The following ASAP1 variants were observed in gnomAD, a reference collection of about 807,000 sequenced individuals.
ASAP1 encodes the protein arf-GAP with SH3 domain, ANK repeat and PH domain-containing protein 1.
Under a neutral mutation model 145.2 loss-of-function variants are expected in ASAP1, and 43 were observed. The ratio of observed to expected loss-of-function variants is 0.30; its 90% CI spans 0.23 to 0.38. The LOEUF is 0.38. Ranked by LOEUF, ASAP1 falls within the 10% of genes least tolerant of loss-of-function variation. The probability of loss-of-function intolerance (pLI) is 1.00; values close to 1 mark genes in which losing one functional copy is unlikely to be tolerated. For missense variants in ASAP1, 1,018 were observed against 1,355.3 expected (o/e 0.75, Z 3.91); for synonymous variants, 546 against 515.5 (o/e 1.06, Z -0.80).
At chr8:130,208,293 T>C (rs1221690963) in intron 5 of ASAP1, among the ~76,000 whole-genome samples, 1 of 152,184 alleles carries the variant, frequency 6.6e-6, no homozygotes, top group African/African-American at 2.4e-5. Context: ...TTCATTGTTT[T>C]GGTATGTCTT....
intron 15 of ASAP1, among the ~76,000 whole-genome samples, chr8:130,133,613 G>A (rs1449493234): frequency 1.3e-5 from 2 of 151,468 alleles, no homozygotes; most frequent in African/African-American, 4.9e-5. Flanking sequence ...CCGAGATTGC[G>A]CCACTGCAGT....
At chr8:130,078,478 G>T (rs1230542309) in intron 26 of ASAP1, among the ~76,000 whole-genome samples, 1 of 151,806 alleles carries the variant, frequency 6.6e-6, no homozygotes, top group Non-Finnish European at 1.5e-5. Flanking sequence ...AGGAAGCAAG[G>T]TCTTGCTATG....
chr8:130,167,140 C>CA (rs1184675756), intron 11 of ASAP1, among the ~76,000 whole-genome samples: 1 of 151,854 alleles, frequency 6.6e-6, no homozygotes, highest in Non-Finnish European at 1.5e-5. Flanking sequence ...TCCATCTCTA[C>CA]AAAAAATACA....
intron 1 of ASAP1, among the ~76,000 whole-genome samples, chr8:130,434,482 T>C (rs1156503303): frequency 6.6e-6 from 1 of 152,088 alleles, no homozygotes; most frequent in Non-Finnish European, 1.5e-5. Flanking sequence ...TTAAATGAGC[T>C]CATAGAGGAA....
chr8:130,326,714 A>G (rs1178261577), intron 3 of ASAP1, among the ~76,000 whole-genome samples: 1 of 152,256 alleles, frequency 6.6e-6, no homozygotes, highest in Admixed American at 6.5e-5. Flanking sequence ...GCATTAAGAC[A>G]GCCAGACAGC....
chr8:130,275,406 T>A (rs571942224), intron 3 of ASAP1, among the ~76,000 whole-genome samples: 14 of 152,316 alleles, frequency 9.2e-5, no homozygotes, highest in African/African-American at 3.4e-4. Context: ...CTTACGTACT[T>A]TCAGATGGAT....
intron 23 of ASAP1, 69 bp from the exon 24 acceptor site, chr8:130,112,391 C>A: frequency 7.1e-7 from 1 of 1,400,198 alleles, no homozygotes; most frequent in East Asian, 2.4e-5. Flanking sequence ...AGGGCCTCCG[C>A]AGGGCGGGCT....
At chr8:130,293,369 C>T (rs1232177133) in intron 3 of ASAP1, among the ~76,000 whole-genome samples, 1 of 152,192 alleles carries the variant, frequency 6.6e-6, no homozygotes, top group African/African-American at 2.4e-5. Context: ...GATTCAATCA[C>T]CCAACTGAGG....
At chr8:130,060,453 C>G in intron 28 of ASAP1, 126 bp downstream of exon 28, 1 of 1,298,540 alleles carries the variant, frequency 7.7e-7, no homozygotes. Context: ...ATGCTTGAAC[C>G]AGAGCACATA....
chr8:130,155,784 C>T (rs1188939775), intron 12 of ASAP1, among the ~76,000 whole-genome samples: 1 of 152,222 alleles, frequency 6.6e-6, no homozygotes, highest in Non-Finnish European at 1.5e-5. Context: ...CCTGAATGGA[C>T]ATACCAAAGA....
chr8:130,425,684 G>C (rs537527585), intron 1 of ASAP1, among the ~76,000 whole-genome samples: 180 of 152,362 alleles, frequency 1.2e-3, no homozygotes, highest in African/African-American at 3.9e-3. Flanking sequence ...TTAGGGATCA[G>C]AGAATGACAG....
chr8:130,407,532 A>G (rs1156518594), intron 1 of ASAP1, among the ~76,000 whole-genome samples: 2 of 152,070 alleles, frequency 1.3e-5, no homozygotes, highest in Non-Finnish European at 2.9e-5. Context: ...ATGTCTGTCA[A>G]CCCCCACGGT....
At position 130,124,163 on chromosome 8, in the gene ASAP1, T is replaced by C. The variant is rs537811423; in HGVS notation, c.1516-59A>G. On this transcript the variant is annotated intron_variant, in intron 17 of 29. Transcript: ENST00000518721. ...CAAACTCTTTGCTACTAGTTAAAAG[T>C]CTCCTATTATTTGTTTTTGAGATTT... is the stretch of plus-strand genomic sequence containing the variant. The C allele has an allele frequency of 7.0e-5, 83 of 1,184,804 alleles. No homozygotes were observed. In the South Asian group the frequency reaches 1.0e-3, roughly 15 times the overall value. The allele number at this position is 1,184,804 out of a possible 1,614,324, so 73.4% of individuals were successfully genotyped here.
At chr8:130,327,509 A>T (rs965487148) in intron 3 of ASAP1, among the ~76,000 whole-genome samples, 1 of 152,226 alleles carries the variant, frequency 6.6e-6, no homozygotes, top group Admixed American at 6.5e-5. Flanking sequence ...TTCTTAATTA[A>T]GTAACATGGA....
intron 27 of ASAP1, among the ~76,000 whole-genome samples, chr8:130,064,267 A>G (rs1334133302): frequency 6.6e-6 from 1 of 152,178 alleles, no homozygotes; most frequent in Admixed American, 6.5e-5. Context: ...CTAGCTGACA[A>G]CGGTGGAGAT....
At chr8:130,065,254 G>C (rs891928252) in intron 27 of ASAP1, among the ~76,000 whole-genome samples, 3 of 152,092 alleles carry the variant, frequency 2.0e-5, no homozygotes, top group Non-Finnish European at 4.4e-5. Flanking sequence ...GGTCTGGAAG[G>C]GTCCTGAGCA....
chr8:130,174,511 G>A (rs756370039), intron 9 of ASAP1, among the ~76,000 whole-genome samples: 3 of 152,158 alleles, frequency 2.0e-5, no homozygotes, highest in South Asian at 4.1e-4. Context: ...ACCAGTCACC[G>A]CACTATTATA....
intron 3 of ASAP1, among the ~76,000 whole-genome samples, chr8:130,289,079 G>T (rs1214692148): frequency 6.6e-6 from 1 of 152,126 alleles, no homozygotes; most frequent in Non-Finnish European, 1.5e-5. Flanking sequence ...CCAGGTACTC[G>T]GGAAGCTGAG....
chr8:130,170,093 C>T (rs1285050983), intron 9 of ASAP1, among the ~76,000 whole-genome samples: 6 of 152,172 alleles, frequency 3.9e-5, no homozygotes, highest in African/African-American at 9.7e-5. Flanking sequence ...CTACAAACAA[C>T]GAGGACCTTG....
Sources: gnomAD v4.1 joint callset for allele counts (sites outside exome capture counted in the v4.1 genomes callset) on GRCh38, gnomAD v4.1.1 for gene constraint, MANE v1.5 for transcripts, NCBI Gene and HGNC (gene_info 2026-07-23, HGNC 2026-07-21) for gene names.